Variants in SLC29A4 observed in about 807,000 individuals in gnomAD.
SLC29A4 encodes the protein solute carrier family 29 member 4, also known as equilibrative nucleoside transporter 4.
SLC29A4 carries 36 observed loss-of-function variants against 43.9 expected under a neutral mutation model. That is an observed-to-expected ratio of 0.82 (90% CI 0.63 to 1.08). The LOEUF is 1.08. Among genes scored for constraint, SLC29A4 ranks in the 50% least tolerant of loss-of-function variants. The pLI, the probability that SLC29A4 is intolerant of heterozygous loss-of-function variation, is 0.00. For synonymous variants in SLC29A4, 491 were observed against 338.0 expected (o/e 1.45, Z -4.97); for missense variants, 869 against 755.3 (o/e 1.15, Z -1.77).
At position 5,296,930 on chromosome 7, in the gene SLC29A4, C is replaced by A. The variant is rs756017178; in HGVS notation, c.620-6C>A. 6.3e-7 allele frequency: 1 copy of A among 1,587,888 alleles called. No individual in the cohort carries two copies. Among genetic ancestry groups the A allele is most frequent in the Non-Finnish European group, 8.5e-7 (1 of 1,174,736 alleles). ...CAGGCCCCGGCCCACTGTGCACGCC[C>A]CCCAGGCACGGCGGGCGTGATGATC... is the stretch of plus-strand genomic sequence containing the variant. On this transcript the variant is annotated splice_polypyrimidine_tract_variant and splice_region_variant and intron_variant, in intron 6 of 10. Coordinates refer to ENST00000396872, the MANE Select transcript of SLC29A4 (RefSeq NM_153247.4).
At chr7:5,297,599 C>G (rs971691645) in intron 7 of SLC29A4, among the ~76,000 whole-genome samples, 31 of 152,258 alleles carry the variant, frequency 2.0e-4, no homozygotes, top group African/African-American at 5.8e-4. Context: ...TTGGAGAGTC[C>G]TCCTGCAGGC....
At position 5,304,005 on chromosome 7, in the gene SLC29A4, G is replaced by A. The variant is rs3823686; in HGVS notation, c.*1066G>A. 0.025 allele frequency: 3,846 copies of A among 152,350 alleles called. 454 individuals carry two copies. The East Asian group carries it at 0.4, about 16-fold the overall frequency. The allele number at this position is 152,350 out of a possible 1,614,324, so 9.4% of individuals were successfully genotyped here. A position where few individuals can be genotyped will look rare whatever the true frequency, so the allele number is the denominator to read the frequency against. ...TCACCCCTGCTGTGTCCCATCCCCC[G>A]TCTGTCCACTAACTGTACCGCACCG... On this transcript the variant is annotated 3_prime_UTR_variant, in exon 11 of 11. Coordinates refer to ENST00000396872, the MANE Select transcript of SLC29A4 (RefSeq NM_153247.4).
intron 5 of SLC29A4, among the ~76,000 whole-genome samples, chr7:5,292,545 C>G (rs1343778649): frequency 6.6e-6 from 1 of 152,078 alleles, no homozygotes; most frequent in Admixed American, 6.6e-5. Context: ...TCTCTCTGTA[C>G]TTAAATTTCT....
Position 5,304,496 on chromosome 7 carries a change from C to T in SLC29A4, c.*1557C>T, listed in dbSNP as rs1320676231. 2 of 139,124 alleles carry T rather than the reference C, an allele frequency of 1.4e-5. No homozygotes were observed. Among genetic ancestry groups the T allele is most frequent in the East Asian group, 2.9e-4 (1 of 3,394 alleles). 8.6% of individuals were successfully genotyped at this position (139,124 alleles called of 1,614,324 possible). Reference sequence around the variant, plus strand: ...GGACAAAATCCTGCACTGTTCTGTGCCTCATTTCTTTCTTTTTTTATTTTT... The same window carrying T: ...GGACAAAATCCTGCACTGTTCTGTGTCTCATTTCTTTCTTTTTTTATTTTT... On this transcript the variant is annotated 3_prime_UTR_variant, in exon 11 of 11. Coordinates refer to ENST00000396872, the MANE Select transcript of SLC29A4 (RefSeq NM_153247.4).
At chr7:5,287,044 C>T (rs1010396639) in intron 1 of SLC29A4, among the ~76,000 whole-genome samples, 9 of 152,198 alleles carry the variant, frequency 5.9e-5, no homozygotes, top group African/African-American at 1.7e-4. Context: ...GGTTGCTCCC[C>T]GGGACAGCAG....
intron 10 of SLC29A4, among the ~76,000 whole-genome samples, chr7:5,302,067 C>T (rs1178494389): frequency 2.0e-5 from 3 of 152,336 alleles, no homozygotes; most frequent in East Asian, 3.9e-4. Flanking sequence ...TCTCATGCCT[C>T]AGCCTCCTGA....
intron 7 of SLC29A4, among the ~76,000 whole-genome samples, chr7:5,298,677 G>T (rs1359142050): frequency 6.6e-6 from 1 of 152,190 alleles, no homozygotes; most frequent in African/African-American, 2.4e-5. Flanking sequence ...GCGCATGGCT[G>T]TAGTCCCTGT....
chr7:5,297,602 C>T (rs980723432), intron 7 of SLC29A4, among the ~76,000 whole-genome samples: 2 of 152,250 alleles, frequency 1.3e-5, no homozygotes, highest in African/African-American at 2.4e-5. Flanking sequence ...GAGAGTCCTC[C>T]TGCAGGCTCA....
intron 7 of SLC29A4, among the ~76,000 whole-genome samples, 184 bp from the exon 8 acceptor site, chr7:5,298,804 A>C: frequency 6.6e-6 from 1 of 152,154 alleles, no homozygotes; most frequent in East Asian, 1.9e-4. Context: ...TCTCTCTAAA[A>C]CAAGAAAGAA....
chr7:5,289,265 C>T (rs938908999), intron 2 of SLC29A4, among the ~76,000 whole-genome samples: 21 of 152,188 alleles, frequency 1.4e-4, no homozygotes, highest in Non-Finnish European at 2.4e-4. Context: ...GGTGTGGTGG[C>T]ACACGCCTGT....
rs529274319 is a variant in SLC29A4 at position 5,303,221 on chromosome 7, C to T, written c.*282C>T. Reference sequence around the variant, plus strand: ...TACCTTCCATCTGTGTCCAGCGGCCCCGGCTCCAGCCCAGCCAGCACTCTG... The same window carrying T: ...TACCTTCCATCTGTGTCCAGCGGCCTCGGCTCCAGCCCAGCCAGCACTCTG... On this transcript the variant is annotated 3_prime_UTR_variant, in exon 11 of 11. Coordinates refer to ENST00000396872, the MANE Select transcript of SLC29A4 (RefSeq NM_153247.4). 767 of 519,018 alleles carry T rather than the reference C, an allele frequency of 1.5e-3. 5 individuals are homozygous for T. Among genetic ancestry groups the T allele is most frequent in the Middle Eastern group, 0.011 (21 of 1,906 alleles). 32.2% of individuals were successfully genotyped at this position (519,018 alleles called of 1,614,324 possible). A position where few individuals can be genotyped will look rare whatever the true frequency, so the allele number is the denominator to read the frequency against.
At chr7:5,286,184 G>C (rs555784810) in intron 1 of SLC29A4, among the ~76,000 whole-genome samples, 7 of 152,156 alleles carry the variant, frequency 4.6e-5, no homozygotes, top group Middle Eastern at 3.4e-3. Flanking sequence ...TCCCTACGAC[G>C]AGCACAGATC....
At chr7:5,290,515 T>A (rs926962186) in intron 2 of SLC29A4, among the ~76,000 whole-genome samples, 24 of 152,154 alleles carry the variant, frequency 1.6e-4, no homozygotes, top group Admixed American at 1.4e-3. Flanking sequence ...GCAGCTGCAG[T>A]GGCTGTGAGG....
chr7:5,291,276 G>T, intron 4 of SLC29A4, 39 bp downstream of exon 4: 2 of 1,570,810 alleles, frequency 1.3e-6, no homozygotes, highest in Non-Finnish European at 8.7e-7. Context: ...GCCTGTCATG[G>T]CTTCCACCTG....
intron 6 of SLC29A4, 109 bp downstream of exon 6, chr7:5,295,043 C>T: frequency 3.0e-6 from 3 of 1,000,654 alleles, no homozygotes; most frequent in South Asian, 3.2e-5. Context: ...GGGAGGCTCA[C>T]AATCCCTGGG....
In SLC29A4 at chr7:5,300,595, C is replaced by G. The variant is rs149054702; in HGVS notation, c.1383C>G (p.Gly461=). The G allele has an allele frequency of 9.3e-6, 15 of 1,611,518 alleles. No homozygotes were observed. Among genetic ancestry groups the G allele is most frequent in the Non-Finnish European group, 1.2e-5 (14 of 1,179,106 alleles). ...CACTGCTCATGGGCATCAGCAACGGCTACTTCGGCAGCGTGCCCATGATCC... is the reference window on the plus strand; with the variant it reads ...CACTGCTCATGGGCATCAGCAACGGGTACTTCGGCAGCGTGCCCATGATCC... ...IFSLLMGISN[G]YFGSVPMILA... The change falls in exon 10 of 11, where the codon GGC becomes GGG. Residue 461 remains glycine (G), a synonymous_variant. Coordinates refer to ENST00000396872, the MANE Select transcript of SLC29A4 (RefSeq NM_153247.4).
chr7:5,302,890 G>A lies in SLC29A4; in HGVS notation c.1544G>A (p.Ser515Asn). 1.2e-6 allele frequency: 2 copies of A among 1,605,838 alleles called. No individual in the cohort carries two copies. Among genetic ancestry groups the A allele is most frequent in the Non-Finnish European group, 8.5e-7 (1 of 1,177,052 alleles). ...AGCCTCACCCGCGACGCTCACGGCA[G>A]CTGCCTGCACGCCTCCACCGCCAAT... Reference protein sequence around the residue: ...TYSLTRDAHGSCLHASTANGS... With the variant: ...TYSLTRDAHGNCLHASTANGS... Residue 515 changes from serine (S) to asparagine (N), a missense_variant, in exon 11 of 11, where the codon AGC becomes AAC. By Grantham distance (46) the Ser-to-Asn change is conservative. Coordinates refer to ENST00000396872, the MANE Select transcript of SLC29A4 (RefSeq NM_153247.4).
At position 5,299,227 on chromosome 7, in the gene SLC29A4, C is replaced by T. The variant is rs753843963; in HGVS notation, c.1022-13C>T. The T allele has an allele frequency of 6.5e-5, 104 of 1,606,198 alleles. No homozygotes were observed. The highest frequency in any genetic ancestry group is 8.1e-5 in the Non-Finnish European group (95 of 1,175,714). On this transcript the variant is annotated splice_polypyrimidine_tract_variant and intron_variant, in intron 8 of 10. Transcript: ENST00000396872. ...GTGGGCGCTGCCTCTGACCCCCGCC[C>T]GCCACCCTCCAGCCCTGTTACTGCA...
chr7:5,297,455 G>T (rs1785788692), intron 7 of SLC29A4, among the ~76,000 whole-genome samples: 1 of 152,232 alleles, frequency 6.6e-6, no homozygotes, highest in African/African-American at 2.4e-5. Flanking sequence ...CCCAGCTGCT[G>T]TGCCCCACGG....
Sources: gnomAD v4.1 joint callset for allele counts (sites outside exome capture counted in the v4.1 genomes callset) on GRCh38, gnomAD v4.1.1 for gene constraint, MANE v1.5 for transcripts, NCBI Gene and HGNC (gene_info 2026-07-23, HGNC 2026-07-21) for gene names.